AKR1C3: variants seen among roughly 807,000 people sequenced by gnomAD.
The protein encoded by AKR1C3 is aldo-keto reductase family 1 member C3, also known as 3-alpha hydroxysteroid dehydrogenase, type II.
In AKR1C3, 48 loss-of-function variants were observed where a neutral mutation model predicts 43.6. The ratio of observed to expected loss-of-function variants is 1.10; its 90% CI spans 0.87 to 1.40. The LOEUF is 1.40. Among genes scored for constraint, AKR1C3 ranks in the 40% most tolerant of loss-of-function variants. The pLI, the probability that AKR1C3 is intolerant of heterozygous loss-of-function variation, is 0.00. For synonymous variants in AKR1C3, 162 were observed against 139.6 expected (o/e 1.16, Z -1.13); for missense variants, 482 against 391.2 (o/e 1.23, Z -1.96).
chr10:5,090,382 T>A (rs1839064558), upstream of AKR1C3, among the ~76,000 whole-genome samples: 3 of 152,090 alleles, frequency 2.0e-5, 1 homozygote, highest in South Asian at 6.2e-4. Flanking sequence ...ACAATCTGTT[T>A]CCCTAATACA....
chr10:5,061,127 G>T (rs972815290), intron 1 of AKR1C3, among the ~76,000 whole-genome samples: 3 of 152,220 alleles, frequency 2.0e-5, no homozygotes, highest in Non-Finnish European at 2.9e-5. Context: ...CTCAAGTGCA[G>T]CCAGTGTGGG....
At chr10:5,065,923 G>A (rs1838491285) in intron 1 of AKR1C3, among the ~76,000 whole-genome samples, 2 of 152,088 alleles carry the variant, frequency 1.3e-5, no homozygotes. Flanking sequence ...GCTGGCTTGG[G>A]GTGTAGTTTC....
intron 1 of AKR1C3, among the ~76,000 whole-genome samples, chr10:5,062,191 C>G (rs1937837): frequency 6.6e-6 from 1 of 152,160 alleles, no homozygotes; most frequent in Non-Finnish European, 1.5e-5. Flanking sequence ...CACACTAACA[C>G]TTTCACTCAA....
In AKR1C3 at chr10:5,105,579, T is replaced by A. The variant is rs371451773; in HGVS notation, c.847-16T>A. Reference sequence around the variant, plus strand: ...CTGGCAATCTAAAAATAATAAAAGTTTTTTATTTCTGATAGGTTTTTGAGT... The same window carrying A: ...CTGGCAATCTAAAAATAATAAAAGTATTTTATTTCTGATAGGTTTTTGAGT... On this transcript the variant is annotated splice_polypyrimidine_tract_variant and intron_variant, in intron 7 of 8. Transcript: ENST00000380554. 1 of 1,603,030 alleles carries A rather than the reference T, an allele frequency of 6.2e-7. No individual in the cohort carries two copies.
In AKR1C3 at chr10:5,099,423, C is replaced by T; in HGVS notation, c.544C>T (p.Leu182Phe). 6.2e-7 allele frequency: 1 copy of T among 1,614,190 alleles called. No homozygotes were observed. The highest frequency in any genetic ancestry group is 2.2e-5 in the East Asian group (1 of 44,870). The change falls in exon 5 of 9, where the codon CTC (leucine) becomes TTC (phenylalanine). Residue 182 changes from leucine (L) to phenylalanine (F), a missense_variant. Leu to Phe is a conservative substitution (Grantham distance 22). Transcript: ENST00000380554. ...GGAGATGATCCTCAACAAGCCAGGA[C>T]TCAAGTACAAGCCTGTCTGCAACCA... is the stretch of plus-strand genomic sequence containing the variant. Reference protein sequence around the residue: ...QLEMILNKPGLKYKPVCNQVE... With the variant: ...QLEMILNKPGFKYKPVCNQVE...
intron 8 of AKR1C3, among the ~76,000 whole-genome samples, chr10:5,106,503 C>T (rs1346192060): frequency 2.6e-5 from 4 of 152,058 alleles, no homozygotes; most frequent in African/African-American, 9.7e-5. Flanking sequence ...ATAATCCCAG[C>T]ACTTTGGGAG....
At chr10:5,103,583 T>A (rs1294280982) in intron 7 of AKR1C3, among the ~76,000 whole-genome samples, 1 of 152,198 alleles carries the variant, frequency 6.6e-6, no homozygotes, top group East Asian at 1.9e-4. Context: ...CTTCAAGATG[T>A]CAATGGGACA....
chr10:5,101,977 A>G (rs1199556412), intron 5 of AKR1C3, 124 bp from the exon 6 acceptor site: 17 of 631,590 alleles, frequency 2.7e-5, no homozygotes, highest in Admixed American at 1.6e-4. Context: ...TTACTTGACA[A>G]TAATATCCTC....
intron 1 of AKR1C3, among the ~76,000 whole-genome samples, chr10:5,087,434 G>GCAATCT (rs768614215): frequency 1.4e-4 from 21 of 148,592 alleles, no homozygotes; most frequent in South Asian, 4.3e-4. Flanking sequence ...GGGCAGTGGG[G>GCAATCT]CAATCTCAGC....
At chr10:5,096,191 A>G in intron 1 of AKR1C3, 2 of 511,154 alleles carry the variant, frequency 3.9e-6, no homozygotes, top group African/African-American at 1.9e-5. Context: ...TGGTACCTCC[A>G]TAACAGTGAT....
At chr10:5,077,786 G>A (rs1838744768) in intron 1 of AKR1C3, 2 of 846,526 alleles carry the variant, frequency 2.4e-6, no homozygotes, top group Non-Finnish European at 3.2e-6. Context: ...ACATTAACAT[G>A]TTCCTTGAGG....
chr10:5,092,165 TTTA>T (rs1232339399), upstream of AKR1C3, among the ~76,000 whole-genome samples: 2 of 152,130 alleles, frequency 1.3e-5, no homozygotes, highest in Non-Finnish European at 2.9e-5. Flanking sequence ...TTGAACAGAA[TTTA>T]TTGTTCTGTA....
chr10:5,090,552 C>G (rs1554784007), upstream of AKR1C3, among the ~76,000 whole-genome samples: 3 of 152,142 alleles, frequency 2.0e-5, no homozygotes, highest in Non-Finnish European at 2.9e-5. Flanking sequence ...TCAATATAGA[C>G]AGCTTTGTGG....
At chr10:5,060,766 G>A (rs1194630954) in intron 1 of AKR1C3, among the ~76,000 whole-genome samples, 1 of 141,316 alleles carries the variant, frequency 7.1e-6, no homozygotes, top group East Asian at 2.2e-4. Context: ...GGCTCAGGCT[G>A]CACAGGAGCC....
intron 1 of AKR1C3, 110 bp from the exon 2 acceptor site, chr10:5,096,300 C>A: frequency 5.3e-6 from 7 of 1,331,808 alleles, no homozygotes; most frequent in Admixed American, 2.5e-5. Flanking sequence ...CTTTTCACCC[C>A]ACATACAGAC....
Position 5,065,645 on chromosome 10 carries a change from TG to T in AKR1C3, c.84+16753del, listed in dbSNP as rs1369600948. 2.0e-5 allele frequency among the ~76,000 whole-genome samples: 3 copies of T among 152,226 alleles called. No individual in the cohort carries two copies. The East Asian group carries it at 5.8e-4, about 29-fold the overall frequency. On this transcript the variant is annotated intron_variant, in intron 1 of 8. Coordinates refer to the AKR1C3 transcript ENST00000439082. The stretch of plus-strand genomic sequence containing the variant: ...GCATAGGGCCCCATTACAGAATTTG[TG>T]GGAGTTTAAATACACTCTAGCAGTT...
chr10:5,091,436 T>TA (rs1191153833), upstream of AKR1C3, among the ~76,000 whole-genome samples: 1 of 152,180 alleles, frequency 6.6e-6, no homozygotes, highest in Non-Finnish European at 1.5e-5. Context: ...TCTCTAATGT[T>TA]AGGTAATACA....
chr10:5,062,173 G>A (rs1838395628), intron 1 of AKR1C3, among the ~76,000 whole-genome samples: 1 of 152,130 alleles, frequency 6.6e-6, no homozygotes, highest in South Asian at 2.1e-4. Context: ...AGTGGTTTTT[G>A]ACCTGGGCAC....
intron 5 of AKR1C3, 140 bp downstream of exon 5, chr10:5,099,589 G>T: frequency 6.9e-7 from 1 of 1,446,846 alleles, no homozygotes; most frequent in Non-Finnish European, 9.4e-7. Context: ...GTCAAGAAAG[G>T]CGTGAAGATT....
Sources: gnomAD v4.1 joint callset for allele counts (sites outside exome capture counted in the v4.1 genomes callset) on GRCh38, gnomAD v4.1.1 for gene constraint, MANE v1.5 for transcripts, NCBI Gene and HGNC (gene_info 2026-07-23, HGNC 2026-07-21) for gene names.